Variants in TYW5 observed in about 807,000 individuals in gnomAD.
TYW5 encodes the protein tRNA-yW synthesizing protein 5.
Under a neutral mutation model 44.4 loss-of-function variants are expected in TYW5, and 36 were observed. The ratio of observed to expected loss-of-function variants is 0.81; its 90% CI spans 0.62 to 1.07. The LOEUF (loss-of-function observed/expected upper bound fraction) is 1.07. TYW5 is among the 50% of genes least tolerant of loss of function. The pLI is 0.00. For synonymous variants in TYW5, 121 were observed against 128.1 expected (o/e 0.94, Z 0.37); for missense variants, 354 against 365.7 (o/e 0.97, Z 0.26).
intron 4 of TYW5, 88 bp downstream of exon 4, chr2:199,940,001 G>T: frequency 8.3e-7 from 1 of 1,204,664 alleles, no homozygotes; most frequent in Non-Finnish European, 1.2e-6. Context: ...AATATGTCAG[G>T]CAGTAAGTAT....
chr2:199,949,062 T>G (rs1013870898), intron 1 of TYW5, among the ~76,000 whole-genome samples: 2 of 152,046 alleles, frequency 1.3e-5, no homozygotes, highest in East Asian at 3.9e-4. Context: ...AAAATTATAT[T>G]TAACACTGAT....
chr2:199,939,118 A>T, intron 4 of TYW5, 48 bp from the exon 5 acceptor site: 1 of 1,523,178 alleles, frequency 6.6e-7, no homozygotes, highest in South Asian at 1.3e-5. Context: ...AGACCCTATG[A>T]TATTAAGGAA....
chr2:199,951,670 C>A (rs1704191), intron 1 of TYW5, among the ~76,000 whole-genome samples: 104,212 of 152,060 alleles, frequency 0.69, 36,083 homozygotes, highest in South Asian at 0.83. Context: ...TTGTTTTTTA[C>A]ATAAATAGTA....
intron 2 of TYW5, chr2:199,945,907 T>C (rs1450094556): frequency 1.3e-5 from 2 of 152,228 alleles, no homozygotes; most frequent in Non-Finnish European, 2.9e-5. Context: ...TTCTTTGGCT[T>C]TTTAAAAATC....
intron 1 of TYW5, among the ~76,000 whole-genome samples, chr2:199,949,997 A>T (rs176008): frequency 0.83 from 126,347 of 152,008 alleles, 52,621 homozygotes; most frequent in South Asian, 0.91. Flanking sequence ...TATGGCAAAA[A>T]AAAAGAACCC....
chr2:199,943,784 T>G lies in TYW5; in HGVS notation c.284A>C (p.Lys95Thr). The G allele has an allele frequency of 1.2e-6, 2 of 1,610,358 alleles. No individual in the cohort carries two copies. Among genetic ancestry groups the G allele is most frequent in the Non-Finnish European group, 1.7e-6 (2 of 1,179,160 alleles). ...LVQRAAEEKH[K>T]EFFVSEDEKY... is the part of the protein sequence containing the mutation. ...AATTACCTCTGAAACAAAGAATTCT[T>G]TATGTTTCTCTTCAGCTGCCCTCTG... is the stretch of plus-strand genomic sequence containing the variant. Residue 95 changes from lysine (K) to threonine (T), a missense_variant, in exon 3 of 8, where the codon AAA becomes ACA. Transcript: ENST00000354611.
intron 1 of TYW5, among the ~76,000 whole-genome samples, chr2:199,951,820 T>G (rs1191910596): frequency 6.6e-6 from 1 of 152,016 alleles, no homozygotes; most frequent in African/African-American, 2.4e-5. Flanking sequence ...ATCGAGACCA[T>G]CCTGGCTAAC....
At chr2:199,943,012 A>G (rs1461871339) in intron 3 of TYW5, 1 of 152,062 alleles carries the variant, frequency 6.6e-6, no homozygotes, top group Admixed American at 6.6e-5. Flanking sequence ...ATGCACCATC[A>G]TGCCCAGCTA....
intron 3 of TYW5, 91 bp downstream of exon 3, chr2:199,943,674 T>A: frequency 1.0e-6 from 1 of 985,336 alleles, no homozygotes; most frequent in Non-Finnish European, 1.5e-6. Context: ...GAGACGGCTG[T>A]TGCTCTTGTG....
At chr2:199,944,029 G>C (rs1203338271) in intron 2 of TYW5, 195 bp from the exon 3 acceptor site, 1 of 446,096 alleles carries the variant, frequency 2.2e-6, no homozygotes, top group African/African-American at 2.0e-5. Flanking sequence ...CTTGATCTAA[G>C]TTGTCTGAAA....
In TYW5 at chr2:199,947,196, A is replaced by C. The variant is rs1265628499; in HGVS notation, c.233+1122T>G. 5 of 152,360 alleles carry C rather than the reference A, an allele frequency of 3.3e-5. No individual in the cohort carries two copies. The East Asian group carries it at 9.6e-4, about 29-fold the overall frequency. The allele number at this position is 152,360 out of a possible 1,614,324, so 9.4% of individuals were successfully genotyped here. ...TATATGAACTTGGAAAACTCTAATG[A>C]GAAAGGAATGGCTGTGGACATTAGA... On this transcript the variant is annotated intron_variant, in intron 2 of 7. Transcript: ENST00000354611.
intron 2 of TYW5, chr2:199,944,967 G>C (rs1265514133): frequency 6.6e-6 from 1 of 152,188 alleles, no homozygotes; most frequent in Non-Finnish European, 1.5e-5. Context: ...AGGTAACACT[G>C]TTTATCATAA....
At chr2:199,945,203 T>C (rs1574804532) in intron 2 of TYW5, 2 of 152,194 alleles carry the variant, frequency 1.3e-5, no homozygotes, top group South Asian at 4.1e-4. Context: ...ACTACCTCCA[T>C]TGTCTCATTC....
At chr2:199,946,363 C>G (rs2077503787) in intron 2 of TYW5, 1 of 152,094 alleles carries the variant, frequency 6.6e-6, no homozygotes, top group Non-Finnish European at 1.5e-5. Context: ...TTGGAAAAGG[C>G]TGCTTTACAA....
chr2:199,935,767 TACACACAC>T (rs1559300817), intron 7 of TYW5, among the ~76,000 whole-genome samples, 156 bp downstream of exon 7: 1,496 of 68,952 alleles, frequency 0.022, 77 homozygotes, highest in Admixed American at 0.15. Flanking sequence ...CACACACACA[TACACACAC>T]ACGCACACAC....
chr2:199,946,668 T>C (rs1261784717), intron 2 of TYW5: 1 of 152,172 alleles, frequency 6.6e-6, no homozygotes, highest in Non-Finnish European at 1.5e-5. Flanking sequence ...GAAGTGATAA[T>C]AATAATATAC....
chr2:199,943,753 A>G lies in TYW5; in HGVS notation c.303+12T>C. 6.2e-7 allele frequency: 1 copy of G among 1,601,230 alleles called. No individual in the cohort carries two copies. Among genetic ancestry groups the G allele is most frequent in the Non-Finnish European group, 8.5e-7 (1 of 1,175,210 alleles). On this transcript the variant is annotated intron_variant, in intron 3 of 7. Coordinates refer to ENST00000354611, the MANE Select transcript of TYW5 (RefSeq NM_001039693.3). ...ATTAATGCCTTCTTTTAAAAATGTT[A>G]AAAGCAATTACCTCTGAAACAAAGA...
chr2:199,947,354 C>T (rs542557307), intron 2 of TYW5: 2 of 152,254 alleles, frequency 1.3e-5, no homozygotes, highest in Middle Eastern at 3.4e-3. Flanking sequence ...TTAAATGAAA[C>T]TCATGGGAAT....
At chr2:199,952,571 T>C (rs1222304275) in intron 1 of TYW5, among the ~76,000 whole-genome samples, 4 of 152,220 alleles carry the variant, frequency 2.6e-5, no homozygotes, top group Non-Finnish European at 5.9e-5. Flanking sequence ...TTTACTGTCC[T>C]TTATATGAGA....
Sources: gnomAD v4.1 joint callset for allele counts (sites outside exome capture counted in the v4.1 genomes callset) on GRCh38, gnomAD v4.1.1 for gene constraint, MANE v1.5 for transcripts, NCBI Gene and HGNC (gene_info 2026-07-23, HGNC 2026-07-21) for gene names.